The following DNAH17 variants were observed in gnomAD, a reference collection of about 807,000 sequenced individuals.
DNAH17 encodes the protein dynein axonemal heavy chain 17.
Under a neutral mutation model 485.6 loss-of-function variants are expected in DNAH17, and 376 were observed. The observed-to-expected ratio is 0.77, with a 90% CI of 0.71 to 0.84. The LOEUF (loss-of-function observed/expected upper bound fraction) is 0.84, where lower values mean the gene tolerates loss of function less well. Among genes scored for constraint, DNAH17 ranks in the 40% least tolerant of loss-of-function variants. The pLI, the probability that DNAH17 is intolerant of heterozygous loss-of-function variation, is 0.00. For missense variants in DNAH17, 6,370 were observed against 5,839.3 expected (o/e 1.09, Z -2.96); for synonymous variants, 3,031 against 2,405.9 (o/e 1.26, Z -7.60).
intron 51 of DNAH17, among the ~76,000 whole-genome samples, chr17:78,477,383 T>TA (rs1207914480): frequency 2.6e-5 from 4 of 151,222 alleles, no homozygotes; most frequent in African/African-American, 9.8e-5. Flanking sequence ...TTTTTTTTTT[T>TA]ATTGATACTT....
intron 13 of DNAH17, among the ~76,000 whole-genome samples, chr17:78,558,781 C>T (rs1208982613): frequency 2.0e-5 from 3 of 151,190 alleles, no homozygotes; most frequent in African/African-American, 7.3e-5. Context: ...TCTCTGCTTT[C>T]ACCCGGTTAT....
rs984728174 is a variant in DNAH17, at chr17:78,424,082, C to T, written c.13213G>A (p.Val4405Ile). ...ACAGGAATGGCCTTGATGAAGATGA[C>T]AGGCATGGCCGGGGTCAGCTCTTTC... Reference protein sequence around the residue: ...RLKELTPAMPVIFIKAIPVDR... With the variant: ...RLKELTPAMPIIFIKAIPVDR... The change falls in exon 81 of 81, where the codon GTC (valine) becomes ATC (isoleucine). Residue 4405 changes from valine (V) to isoleucine (I), a missense_variant. Coordinates refer to ENST00000389840, the MANE Select transcript of DNAH17 (RefSeq NM_173628.4). 1.2e-6 allele frequency: 2 copies of T among 1,613,884 alleles called. No individual in the cohort carries two copies. Among genetic ancestry groups the T allele is most frequent in the Non-Finnish European group, 1.7e-6 (2 of 1,179,896 alleles).
intron 26 of DNAH17, among the ~76,000 whole-genome samples, chr17:78,512,839 G>A (rs561554124): frequency 1.9e-3 from 285 of 151,148 alleles, no homozygotes; most frequent in African/African-American, 6.7e-3. Flanking sequence ...TACTCAGGAG[G>A]CTGAATCAGG....
chr17:78,450,975 GGA>G, intron 66 of DNAH17, 129 bp from the exon 67 acceptor site: 1 of 1,191,492 alleles, frequency 8.4e-7, no homozygotes, highest in Admixed American at 2.2e-5. Context: ...CTCAGGTCCT[GGA>G]AGGGGCTGCA....
intron 47 of DNAH17, 34 bp from the exon 48 acceptor site, chr17:78,485,067 GCCT>G (rs1242796311): frequency 6.4e-7 from 1 of 1,564,184 alleles, no homozygotes; most frequent in Non-Finnish European, 8.6e-7. Context: ...GCCCGCCTGC[GCCT>G]CCTGAGCCAG....
At chr17:78,518,068 TAA>T (rs1050897139) in intron 25 of DNAH17, among the ~76,000 whole-genome samples, 3 of 151,974 alleles carry the variant, frequency 2.0e-5, no homozygotes, top group African/African-American at 7.3e-5. Flanking sequence ...AATGTTAAAA[TAA>T]AAGAGAGTCA....
intron 73 of DNAH17, among the ~76,000 whole-genome samples, chr17:78,438,719 G>A (rs1468483612): frequency 3.3e-5 from 5 of 151,804 alleles, no homozygotes; most frequent in Admixed American, 2.6e-4. Context: ...GGCTGGTCTC[G>A]AACTCCTGAC....
intron 53 of DNAH17, 42 bp downstream of exon 53, chr17:78,475,627 G>C: frequency 6.2e-7 from 1 of 1,609,902 alleles, no homozygotes; most frequent in Non-Finnish European, 8.5e-7. Context: ...GGGTGACCCG[G>C]TCCAGGTCCC....
intron 73 of DNAH17, 75 bp from the exon 74 acceptor site, chr17:78,437,943 A>T: frequency 8.5e-7 from 1 of 1,172,630 alleles, no homozygotes; most frequent in South Asian, 1.4e-5. Flanking sequence ...GCACGTGGCT[A>T]TGTTCCCTGG....
Position 78,552,689 on chromosome 17 carries a change from C to T in DNAH17, c.2287+8G>A. On this transcript the variant is annotated splice_region_variant and intron_variant, in intron 15 of 80. Transcript: ENST00000389840. ...TAATCCAATGTGGGAGGAATGTGGC[C>T]TCCGTACCTTCGCCATTCCAGAATA... 6.2e-7 allele frequency: 1 copy of T among 1,609,064 alleles called. No individual in the cohort carries two copies. Among genetic ancestry groups the T allele is most frequent in the Non-Finnish European group, 8.5e-7 (1 of 1,175,410 alleles).
intron 2 of DNAH17, 63 bp downstream of exon 2, chr17:78,574,650 C>CA: frequency 1.4e-6 from 2 of 1,448,470 alleles, no homozygotes; most frequent in Non-Finnish European, 1.9e-6. Context: ...CAGCAGGACT[C>CA]AAGGCCGCTC....
chr17:78,574,601 G>A (rs938065957), intron 2 of DNAH17, 112 bp downstream of exon 2: 5 of 925,230 alleles, frequency 5.4e-6, no homozygotes, highest in Non-Finnish European at 8.1e-6. Flanking sequence ...TCCCTCCCCG[G>A]CTCTGCAGCT....
chr17:78,441,498 G>C lies in DNAH17; in HGVS notation c.11529-299C>G, dbSNP rs1029070669. Among the ~76,000 whole-genome samples, 9 of 152,290 alleles carry C rather than the reference G, an allele frequency of 5.9e-5. No individual in the cohort carries two copies. The East Asian group carries it at 1.7e-3, about 29-fold the overall frequency. ...GGAAGGCACCCAGGGTCAACTGCGGGGGGTGGGGGCGCTGAGAAGGAAGGA... is the reference window on the plus strand; with the variant it reads ...GGAAGGCACCCAGGGTCAACTGCGGCGGGTGGGGGCGCTGAGAAGGAAGGA... On this transcript the variant is annotated intron_variant, in intron 71 of 80. Transcript: ENST00000389840.
chr17:78,503,037 A>G (rs1383863172), intron 31 of DNAH17, 26 bp from the exon 32 acceptor site: 5 of 1,601,774 alleles, frequency 3.1e-6, no homozygotes, highest in Non-Finnish European at 4.3e-6. Flanking sequence ...ACGGTGACCA[A>G]TACAGCCATG....
At chr17:78,476,498 C>T (rs1180133174) in intron 52 of DNAH17, 74 bp downstream of exon 52, 4 of 1,506,566 alleles carry the variant, frequency 2.7e-6, no homozygotes, top group Middle Eastern at 3.6e-4. Context: ...GGCTGCAGTT[C>T]TCATTGGCCG....
intron 11 of DNAH17, among the ~76,000 whole-genome samples, chr17:78,566,047 T>C (rs1261081024): frequency 6.6e-6 from 1 of 152,014 alleles, no homozygotes; most frequent in Non-Finnish European, 1.5e-5. Context: ...TTGCCCCTTC[T>C]GCCATGTAAG....
At chr17:78,506,592 G>GC (rs2090491494) in intron 30 of DNAH17, 128 bp downstream of exon 30, 1 of 1,372,710 alleles carries the variant, frequency 7.3e-7, no homozygotes. Flanking sequence ...GGTGCAGAGG[G>GC]CCTCCTGGAG....
intron 56 of DNAH17, among the ~76,000 whole-genome samples, chr17:78,465,586 C>T (rs2088392967): frequency 6.6e-6 from 1 of 150,488 alleles, no homozygotes; most frequent in Non-Finnish European, 1.5e-5. Flanking sequence ...CCCGCCGCCC[C>T]ATCTGGGATG....
chr17:78,505,294 T>A lies in DNAH17; in HGVS notation c.4955A>T (p.Gln1652Leu). 1 of 1,613,674 alleles carries A rather than the reference T, an allele frequency of 6.2e-7. No homozygotes were observed. Among genetic ancestry groups the A allele is most frequent in the Non-Finnish European group, 8.5e-7 (1 of 1,179,706 alleles). ...VFDQECDLSG[Q>L]VEVWLNRVLD... ...TGTGTGGTGTGCGCACACACTCACCTGCCCCGAGAGGTCGCATTCCTGATC... is the reference window on the plus strand; with the variant it reads ...TGTGTGGTGTGCGCACACACTCACCAGCCCCGAGAGGTCGCATTCCTGATC... The change falls in exon 31 of 81, where the codon CAG (glutamine) becomes CTG (leucine). Residue 1652 changes from glutamine (Q) to leucine (L), a missense_variant and splice_region_variant. Physicochemically the swap from Gln to Leu is moderately radical, Grantham distance 113 (BLOSUM62 -2). Transcript: ENST00000389840.
Sources: allele counts gnomAD v4.1 joint callset (sites outside exome capture counted in the v4.1 genomes callset), GRCh38; gene constraint gnomAD v4.1.1; transcripts MANE v1.5; gene names NCBI Gene and HGNC (gene_info 2026-07-23, HGNC 2026-07-21).